The following SLC14A2 variants were observed in gnomAD, a reference collection of about 807,000 sequenced individuals.
SLC14A2 encodes the protein urea transporter 2.
Under a neutral mutation model 104.6 loss-of-function variants are expected in SLC14A2, and 91 were observed. The ratio of observed to expected loss-of-function variants is 0.87; its 90% CI spans 0.73 to 1.04. The LOEUF is 1.04. Among genes scored for constraint, SLC14A2 ranks in the 50% least tolerant of loss-of-function variants. The pLI is 0.00. For synonymous variants in SLC14A2, 476 were observed against 466.4 expected, an observed-to-expected ratio of 1.02 and a Z score of -0.27; for missense variants, 1,189 against 1,156.0, an observed-to-expected ratio of 1.03 and a Z score of -0.41.
At chr18:45,510,443 G>T (rs1055907976) in intron 2 of SLC14A2, among the ~76,000 whole-genome samples, 1 of 152,074 alleles carries the variant, frequency 6.6e-6, no homozygotes, top group Non-Finnish European at 1.5e-5. Context: ...CCCTCTATGC[G>T]GCTCCTACTG....
chr18:45,661,341 T>C (rs559166923), intron 10 of SLC14A2, among the ~76,000 whole-genome samples: 87 of 152,328 alleles, frequency 5.7e-4, no homozygotes, highest in Middle Eastern at 3.4e-3. Context: ...TCTTTGGATA[T>C]ATGAAGAATA....
At position 45,637,135 on chromosome 18, in the gene SLC14A2, G is replaced by A. The variant is rs1053459435; in HGVS notation, c.796G>A (p.Val266Met). 3.1e-6 allele frequency: 5 copies of A among 1,614,096 alleles called. No homozygotes were observed. In the African/African-American group the frequency reaches 6.7e-5, roughly 22 times the overall value. ...LFFPTTLVEPVSSVPNITWTE... is the reference protein window; with the variant it reads ...LFFPTTLVEPMSSVPNITWTE... ...CTTCCCCACAACACTGGTAGAGCCT[G>A]TGTCTTCAGTGCCCAATATCACCTG... The change falls in exon 6 of 20, where the codon GTG becomes ATG. Residue 266 changes from valine to methionine, a missense_variant. Transcript: ENST00000255226.
chr18:45,304,903 C>T (rs554229951), intron 1 of SLC14A2, among the ~76,000 whole-genome samples: 8 of 152,224 alleles, frequency 5.3e-5, no homozygotes, highest in Non-Finnish European at 1.2e-4. Context: ...TTCTTTGGCA[C>T]ATGAATCATG....
chr18:45,549,830 AG>A (rs1406147329), intron 2 of SLC14A2, among the ~76,000 whole-genome samples: 1 of 152,342 alleles, frequency 6.6e-6, no homozygotes, highest in East Asian at 1.9e-4. Flanking sequence ...CATCCAGTAC[AG>A]TAGATGGCTC....
intron 2 of SLC14A2, among the ~76,000 whole-genome samples, chr18:45,603,659 C>A (rs758902441): frequency 6.6e-6 from 1 of 152,288 alleles, no homozygotes; most frequent in Admixed American, 6.5e-5. Context: ...CCCTCTCATA[C>A]AGCCCCTCCC....
chr18:45,350,281 G>A (rs1568162726), intron 1 of SLC14A2, among the ~76,000 whole-genome samples: 1 of 152,174 alleles, frequency 6.6e-6, no homozygotes, highest in African/African-American at 2.4e-5. Context: ...GAATCACAAT[G>A]CATTACTAAC....
At chr18:45,234,077 T>A (rs904439539) in intron 1 of SLC14A2, among the ~76,000 whole-genome samples, 1 of 152,030 alleles carries the variant, frequency 6.6e-6, no homozygotes, top group Non-Finnish European at 1.5e-5. Context: ...CCAGCCAGAA[T>A]CAATTATTCT....
upstream of SLC14A2, among the ~76,000 whole-genome samples, chr18:45,612,765 G>A (rs1052017472): frequency 1.3e-5 from 2 of 152,122 alleles, no homozygotes; most frequent in Admixed American, 6.5e-5. Flanking sequence ...TGTCAAAGTC[G>A]GACCCAGTAG....
At chr18:45,207,194 C>T in the SLC14A2 span, among the ~76,000 whole-genome samples, 1 of 151,790 alleles carries the variant, frequency 6.6e-6, no homozygotes, top group South Asian at 2.1e-4. Context: ...AAATATCACA[C>T]TTTAGTCAAA....
intron 1 of SLC14A2, among the ~76,000 whole-genome samples, chr18:45,361,175 T>A (rs775124689): frequency 6.6e-6 from 1 of 152,134 alleles, no homozygotes; most frequent in East Asian, 1.9e-4. Context: ...ACAGATGAAG[T>A]CACCCTGGAT....
intron 2 of SLC14A2, among the ~76,000 whole-genome samples, chr18:45,604,780 G>T (rs1353848579): frequency 6.6e-6 from 1 of 152,194 alleles, no homozygotes; most frequent in African/African-American, 2.4e-5. Flanking sequence ...TAATGTCAAT[G>T]AATGTAAATC....
intron 5 of SLC14A2, among the ~76,000 whole-genome samples, chr18:45,633,916 T>C (rs1436912555): frequency 6.6e-6 from 1 of 152,232 alleles, no homozygotes; most frequent in Non-Finnish European, 1.5e-5. Flanking sequence ...CAGTCATTTC[T>C]ATGTGGATTT....
chr18:45,573,046 G>A (rs191786445), intron 2 of SLC14A2, among the ~76,000 whole-genome samples: 60 of 152,294 alleles, frequency 3.9e-4, no homozygotes, highest in African/African-American at 1.3e-3. Flanking sequence ...TGGGCACAAG[G>A]AAACCAAGAC....
chr18:45,529,848 G>A (rs997391447), intron 2 of SLC14A2: 2 of 152,114 alleles, frequency 1.3e-5, no homozygotes, highest in Non-Finnish European at 2.9e-5. Context: ...TGTCTGGAAT[G>A]GAGTTTCCTA....
intron 1 of SLC14A2, among the ~76,000 whole-genome samples, chr18:45,275,688 C>A (rs1342550779): frequency 6.6e-6 from 1 of 152,142 alleles, no homozygotes; most frequent in Non-Finnish European, 1.5e-5. Context: ...AAGTACTATG[C>A]CTGCAGTTCT....
chr18:45,321,075 C>T (rs2085180146), intron 1 of SLC14A2, among the ~76,000 whole-genome samples: 1 of 152,194 alleles, frequency 6.6e-6, no homozygotes, highest in African/African-American at 2.4e-5. Flanking sequence ...TGTGTTTACA[C>T]AGGAGAACTG....
the SLC14A2 span, among the ~76,000 whole-genome samples, chr18:45,171,547 A>G: frequency 1.3e-5 from 2 of 152,112 alleles, no homozygotes; most frequent in Middle Eastern, 3.2e-3. Flanking sequence ...ATTTAGGTAG[A>G]TATGATTCTT....
At chr18:45,434,679 TA>T (rs1431201441) in intron 1 of SLC14A2, among the ~76,000 whole-genome samples, 4 of 152,170 alleles carry the variant, frequency 2.6e-5, no homozygotes, top group African/African-American at 9.7e-5. Context: ...GATTGAAAAA[TA>T]GTTTAAAAAA....
upstream of SLC14A2, among the ~76,000 whole-genome samples, chr18:45,208,890 G>A (rs1333980140): frequency 3.3e-5 from 5 of 151,854 alleles, no homozygotes; most frequent in Non-Finnish European, 5.9e-5. Context: ...AGAAATACCA[G>A]TAAAAAGAAA....
Sources: allele counts gnomAD v4.1 joint callset (sites outside exome capture counted in the v4.1 genomes callset), GRCh38; gene constraint gnomAD v4.1.1; transcripts MANE v1.5; gene names NCBI Gene and HGNC (gene_info 2026-07-23, HGNC 2026-07-21).